DTWD2: variants seen among roughly 807,000 people sequenced by gnomAD.
DTWD2 encodes the protein DTW motif tRNA-uridine aminocarboxypropyltransferase 2.
In DTWD2, 39 loss-of-function variants were observed where a neutral mutation model predicts 31.8. The observed-to-expected ratio is 1.22, with a 90% CI of 0.95 to 1.60. The LOEUF is 1.60. Ranked by LOEUF, DTWD2 falls within the 40% of genes most tolerant of loss-of-function variation. DTWD2 has a pLI of 0.00. For missense variants in DTWD2, 515 were observed against 381.5 expected (o/e 1.35, Z -2.92); for synonymous variants, 180 against 142.8 (o/e 1.26, Z -1.86).
At chr5:118,861,226 C>T (rs1368105757) in intron 4 of DTWD2, among the ~76,000 whole-genome samples, 1 of 152,110 alleles carries the variant, frequency 6.6e-6, no homozygotes, top group Non-Finnish European at 1.5e-5. Flanking sequence ...GGTGGGTTCA[C>T]CTGGAAGTTA....
At chr5:118,868,734 G>C (rs1752435770) in intron 4 of DTWD2, among the ~76,000 whole-genome samples, 1 of 151,550 alleles carries the variant, frequency 6.6e-6, no homozygotes, top group Admixed American at 6.6e-5. Flanking sequence ...AGCTACTCAG[G>C]AGACTGAGGC....
intron 1 of DTWD2, among the ~76,000 whole-genome samples, chr5:118,974,395 T>G (rs1224820843): frequency 6.6e-6 from 1 of 152,228 alleles, no homozygotes; most frequent in East Asian, 1.9e-4. Context: ...GTTTGTATTT[T>G]TTATTTACAT....
intron 4 of DTWD2, among the ~76,000 whole-genome samples, chr5:118,892,999 C>T (rs775823473): frequency 2.0e-5 from 3 of 150,078 alleles, no homozygotes; most frequent in Admixed American, 2.0e-4. Context: ...GGAGTGGTTA[C>T]TAGGAAAATA....
At chr5:118,981,386 T>C (rs1175035927) in intron 1 of DTWD2, among the ~76,000 whole-genome samples, 1 of 152,178 alleles carries the variant, frequency 6.6e-6, no homozygotes. Flanking sequence ...AAAAAAGAAT[T>C]AGACTGCCAA....
rs1270670113 is a variant in DTWD2, at chr5:118,968,957, GC to G, written c.218+19336del. Reference sequence around the variant, plus strand: ...GTTCCTGAGGGGCTTGGGAGTGGGGGCAGCTGCCATCTCTGTGGTTCCAGCC... The same window carrying G: ...GTTCCTGAGGGGCTTGGGAGTGGGGGAGCTGCCATCTCTGTGGTTCCAGCC... On this transcript the variant is annotated intron_variant, in intron 1 of 5. Coordinates refer to ENST00000510708, the MANE Select transcript of DTWD2 (RefSeq NM_173666.4). 2.0e-5 allele frequency among the ~76,000 whole-genome samples: 3 copies of G among 152,340 alleles called. No individual in the cohort carries two copies. The South Asian group carries it at 6.2e-4, about 32-fold the overall frequency.
intron 1 of DTWD2, among the ~76,000 whole-genome samples, chr5:118,958,548 G>C (rs930497146): frequency 1.6e-5 from 2 of 127,662 alleles, no homozygotes; most frequent in African/African-American, 5.9e-5. Context: ...AATCAGAAAT[G>C]ACAAATATAA....
chr5:118,978,495 T>C (rs547320455), intron 1 of DTWD2, among the ~76,000 whole-genome samples: 2 of 151,990 alleles, frequency 1.3e-5, no homozygotes, highest in South Asian at 4.2e-4. Flanking sequence ...AGGTCTAATA[T>C]CCAGAGTCCA....
intron 4 of DTWD2, among the ~76,000 whole-genome samples, chr5:118,909,886 C>T (rs1753420063): frequency 2.0e-5 from 3 of 152,200 alleles, no homozygotes; most frequent in Non-Finnish European, 4.4e-5. Context: ...TAGCATGCTA[C>T]ACAATATGCC....
At chr5:118,935,523 T>C (rs1447913641) in intron 3 of DTWD2, among the ~76,000 whole-genome samples, 1 of 152,102 alleles carries the variant, frequency 6.6e-6, no homozygotes. Flanking sequence ...CTTGCTTGCT[T>C]GCTTGCTCGC....
chr5:118,953,912 A>C (rs1407841720), intron 1 of DTWD2, among the ~76,000 whole-genome samples: 1 of 152,208 alleles, frequency 6.6e-6, no homozygotes, highest in East Asian at 1.9e-4. Context: ...CTGGTATCTT[A>C]TCCCAGATAT....
chr5:118,928,821 A>G (rs1274212930), intron 3 of DTWD2, 92 bp from the exon 4 acceptor site: 2 of 1,054,772 alleles, frequency 1.9e-6, no homozygotes, highest in East Asian at 2.6e-5. Context: ...AAGTTTCCCT[A>G]TATGTAGTCA....
chr5:118,968,194 C>T (rs1261156771), intron 1 of DTWD2, among the ~76,000 whole-genome samples: 1 of 144,534 alleles, frequency 6.9e-6, no homozygotes, highest in Non-Finnish European at 1.5e-5. Flanking sequence ...GTAACAAAAT[C>T]GTGAAAAAAA....
At chr5:118,963,291 G>C (rs73239099) in intron 1 of DTWD2, among the ~76,000 whole-genome samples, 3,297 of 152,330 alleles carry the variant, frequency 0.022, 126 homozygotes, top group African/African-American at 0.076. Flanking sequence ...TGGAACTTGA[G>C]CTGGACCTTG....
chr5:118,841,609 T>C (rs1427407078), intron 5 of DTWD2, among the ~76,000 whole-genome samples: 2 of 152,172 alleles, frequency 1.3e-5, no homozygotes, highest in Admixed American at 6.6e-5. Flanking sequence ...CTTGGTGCGT[T>C]TGAAATTATT....
chr5:118,958,042 C>T (rs901410930), intron 1 of DTWD2, among the ~76,000 whole-genome samples: 1 of 152,082 alleles, frequency 6.6e-6, no homozygotes, highest in Admixed American at 6.5e-5. Context: ...AAATCAACTG[C>T]AGTATGTAAT....
chr5:118,915,532 A>G (rs977018307), intron 4 of DTWD2, among the ~76,000 whole-genome samples: 1 of 151,808 alleles, frequency 6.6e-6, no homozygotes, highest in Non-Finnish European at 1.5e-5. Flanking sequence ...ACACCACCAC[A>G]CCTGGCTAAT....
intron 1 of DTWD2, among the ~76,000 whole-genome samples, chr5:118,964,215 C>T (rs1754771797): frequency 7.4e-6 from 1 of 134,586 alleles, no homozygotes; most frequent in African/African-American, 3.0e-5. Flanking sequence ...AAGACTCCAT[C>T]TCAAAAAAAA....
chr5:118,907,388 T>C (rs1361344206), intron 4 of DTWD2, among the ~76,000 whole-genome samples: 1 of 152,110 alleles, frequency 6.6e-6, no homozygotes, highest in African/African-American at 2.4e-5. Context: ...AATTGACACA[T>C]GATTATGGAG....
chr5:118,890,450 T>C (rs1461254813), intron 4 of DTWD2, among the ~76,000 whole-genome samples: 1 of 151,996 alleles, frequency 6.6e-6, no homozygotes, highest in African/African-American at 2.4e-5. Flanking sequence ...ATGATGTAAA[T>C]TAAAGCAATC....
Sources: allele counts gnomAD v4.1 joint callset (sites outside exome capture counted in the v4.1 genomes callset), GRCh38; gene constraint gnomAD v4.1.1; transcripts MANE v1.5; gene names NCBI Gene and HGNC (gene_info 2026-07-23, HGNC 2026-07-21).